Variants in TMEM132B observed in about 807,000 individuals in gnomAD.
The protein encoded by TMEM132B is transmembrane protein 132B.
A neutral mutation model predicts 90.8 loss-of-function variants in TMEM132B; 18 were observed. The observed-to-expected ratio is 0.20, with a 90% CI of 0.14 to 0.29. The LOEUF is 0.29. Among genes scored for constraint, TMEM132B ranks in the 10% least tolerant of loss-of-function variants. The pLI, the probability that TMEM132B is intolerant of heterozygous loss-of-function variation, is 1.00. For missense variants in TMEM132B, 1,096 were observed against 1,326.8 expected, an observed-to-expected ratio of 0.83 and a Z score of 2.70; for synonymous variants, 504 against 523.3, an observed-to-expected ratio of 0.96 and a Z score of 0.50.
chr12:125,517,305 C>T (rs571800267), intron 3 of TMEM132B, among the ~76,000 whole-genome samples: 6 of 141,404 alleles, frequency 4.2e-5, no homozygotes, highest in Admixed American at 1.5e-4. Flanking sequence ...GGACTACAGG[C>T]GCCCGCCACC....
At chr12:125,270,202 TCA>T (rs1257784612) in intron 1 of TMEM132B, among the ~76,000 whole-genome samples, 9 of 150,700 alleles carry the variant, frequency 6.0e-5, no homozygotes, top group African/African-American at 2.2e-4. Flanking sequence ...AGTGGTGCAA[TCA>T]CAGCTCACTG....
chr12:125,602,089 G>C lies in TMEM132B; in HGVS notation c.1437+18095G>C, dbSNP rs1487701350. Among the ~76,000 whole-genome samples the C allele has an allele frequency of 4.6e-5, 7 of 152,340 alleles. No individual in the cohort carries two copies. The East Asian group carries it at 1.4e-3, about 29-fold the overall frequency. ...AACTATTCCAAACAATTGAAAAGGA[G>C]GGACTCCTCCCTAACTCATTTAATG... On this transcript the variant is annotated intron_variant, in intron 5 of 8. Transcript: ENST00000682704.
intron 1 of TMEM132B, among the ~76,000 whole-genome samples, chr12:125,346,418 A>G (rs936533610): frequency 6.6e-6 from 1 of 152,202 alleles, no homozygotes; most frequent in Admixed American, 6.5e-5. Flanking sequence ...ACTCACTTCC[A>G]AGTCTGGTGT....
intron 1 of TMEM132B, among the ~76,000 whole-genome samples, chr12:125,296,917 C>T (rs911733381): frequency 6.6e-6 from 1 of 152,258 alleles, no homozygotes; most frequent in African/African-American, 2.4e-5. Flanking sequence ...TAACCGTGCA[C>T]AGGAGGCCTG....
chr12:125,268,536 G>A (rs1344036801), intron 1 of TMEM132B, among the ~76,000 whole-genome samples: 1 of 152,190 alleles, frequency 6.6e-6, no homozygotes, highest in African/African-American at 2.4e-5. Flanking sequence ...ATAAAAGATT[G>A]CTAAGTGAAA....
chr12:125,439,823 T>C (rs1880816099), intron 3 of TMEM132B, among the ~76,000 whole-genome samples: 1 of 152,212 alleles, frequency 6.6e-6, no homozygotes. Context: ...ATGGCTATTA[T>C]TATTTTGAGG....
chr12:125,306,075 T>C (rs1192945538), intron 1 of TMEM132B, among the ~76,000 whole-genome samples: 1 of 152,140 alleles, frequency 6.6e-6, no homozygotes, highest in African/African-American at 2.4e-5. Flanking sequence ...GCAGGTAAGG[T>C]GATAAGCTTA....
At position 125,271,543 on chromosome 12, in the gene TMEM132B, A is replaced by G. The variant is rs533727394; in HGVS notation, c.68-77909A>G. Among the ~76,000 whole-genome samples the G allele has an allele frequency of 1.1e-4, 17 of 151,742 alleles. No homozygotes were observed. The South Asian group carries it at 3.1e-3, about 28-fold the overall frequency. On this transcript the variant is annotated intron_variant, in intron 1 of 8. Coordinates refer to ENST00000682704, the MANE Select transcript of TMEM132B (RefSeq NM_001366854.1). Reference sequence around the variant, plus strand: ...ATTTTAAAAATTAGAGTGAAATGGGATAAGACCCATCTGAAGGTGGTACTT... The same window carrying G: ...ATTTTAAAAATTAGAGTGAAATGGGGTAAGACCCATCTGAAGGTGGTACTT...
intron 4 of TMEM132B, among the ~76,000 whole-genome samples, chr12:125,577,880 A>G (rs1884973248): frequency 6.6e-6 from 1 of 152,004 alleles, no homozygotes. Flanking sequence ...TTAAAAGAGG[A>G]TTGTTTAATT....
chr12:125,216,612 G>A (rs1020319372), intron 1 of TMEM132B, among the ~76,000 whole-genome samples: 3 of 152,162 alleles, frequency 2.0e-5, no homozygotes, highest in Non-Finnish European at 4.4e-5. Flanking sequence ...CTCCGTTATC[G>A]TGGCCTGATT....
At chr12:125,473,322 T>A (rs887526860) in intron 3 of TMEM132B, among the ~76,000 whole-genome samples, 1 of 152,208 alleles carries the variant, frequency 6.6e-6, no homozygotes, top group Non-Finnish European at 1.5e-5. Context: ...TTTTCCCAAG[T>A]ATCTTCTTAT....
intron 5 of TMEM132B, among the ~76,000 whole-genome samples, chr12:125,604,267 TA>T (rs1885636181): frequency 6.7e-6 from 1 of 149,290 alleles, no homozygotes; most frequent in Non-Finnish European, 1.5e-5. Context: ...TATGCAGCCA[TA>T]AAAGGGAATG....
At chr12:125,594,297 C>G (rs755109283) in intron 5 of TMEM132B, among the ~76,000 whole-genome samples, 2 of 152,262 alleles carry the variant, frequency 1.3e-5, no homozygotes, top group Non-Finnish European at 2.9e-5. Context: ...GTTTATCAAT[C>G]TATTGATGGA....
At chr12:125,329,688 C>T (rs1354567814) in intron 1 of TMEM132B, among the ~76,000 whole-genome samples, 1 of 152,176 alleles carries the variant, frequency 6.6e-6, no homozygotes, top group Non-Finnish European at 1.5e-5. Context: ...CTCATTGTCA[C>T]TGACACAGGC....
chr12:125,238,507 C>T (rs1389119398), intron 1 of TMEM132B, among the ~76,000 whole-genome samples: 2 of 152,048 alleles, frequency 1.3e-5, no homozygotes, highest in African/African-American at 2.4e-5. Context: ...AGTTAATTCC[C>T]GGGAGCATTA....
chr12:125,257,198 TGGGAGGTGAA>T (rs1399097299), intron 1 of TMEM132B, among the ~76,000 whole-genome samples: 2 of 151,902 alleles, frequency 1.3e-5, no homozygotes, highest in Non-Finnish European at 2.9e-5. Flanking sequence ...CCCAGCTACT[TGGGAGGTGAA>T]GGTGGGAGGA....
chr12:125,546,032 A>G (rs905989456), intron 4 of TMEM132B, among the ~76,000 whole-genome samples: 6 of 152,186 alleles, frequency 3.9e-5, no homozygotes, highest in Admixed American at 1.3e-4. Context: ...CATTCAGGGA[A>G]TTTTAGCAAA....
At chr12:125,467,415 C>T (rs1881592762) in intron 3 of TMEM132B, among the ~76,000 whole-genome samples, 1 of 152,106 alleles carries the variant, frequency 6.6e-6, no homozygotes, top group African/African-American at 2.4e-5. Flanking sequence ...TCCTCTTCCT[C>T]ACTTTTCCCC....
intron 4 of TMEM132B, among the ~76,000 whole-genome samples, chr12:125,575,809 G>GA: frequency 1.3e-5 from 2 of 151,996 alleles, no homozygotes; most frequent in East Asian, 3.9e-4. Flanking sequence ...ATCATTTGTT[G>GA]AAAAAACTAT....
Sources: allele counts gnomAD v4.1 joint callset (sites outside exome capture counted in the v4.1 genomes callset), GRCh38; gene constraint gnomAD v4.1.1; transcripts MANE v1.5; gene names NCBI Gene and HGNC (gene_info 2026-07-23, HGNC 2026-07-21).